PCDHGA1: variants seen among roughly 807,000 people sequenced by gnomAD.
The protein encoded by PCDHGA1 is protocadherin gamma-A1.
A neutral mutation model predicts 58.0 loss-of-function variants in PCDHGA1; 32 were observed. The ratio of observed to expected loss-of-function variants is 0.55; its 90% confidence interval spans 0.42 to 0.74. PCDHGA1 has a LOEUF of 0.74. Among genes scored for constraint, PCDHGA1 ranks in the 30% least tolerant of loss-of-function variants. The pLI, the probability that PCDHGA1 is intolerant of heterozygous loss-of-function variation, is 0.00. For missense variants in PCDHGA1, 1,205 were observed against 1,182.3 expected (o/e 1.02, Z -0.28); for synonymous variants, 498 against 501.1 (o/e 0.99, Z 0.08).
rs534356534 is a variant in PCDHGA1 at position 141,432,344 on chromosome 5, C to G, written c.2422-62463C>G. ...CGACTACGAGCAGTTCCGAGACTTG[C>G]AAGTGAAAGTGATGGCGCGGGACAA... is the stretch of plus-strand genomic sequence containing the variant. On this transcript the variant is annotated intron_variant, in intron 1 of 3. Coordinates refer to ENST00000517417, the MANE Select transcript of PCDHGA1 (RefSeq NM_018912.3). This position sits in a 1 kb window ranked among gnomAD's most constrained non-coding sequence, Gnocchi z 6.0. 1.9e-5 allele frequency: 30 copies of G among 1,614,238 alleles called. No individual in the cohort carries two copies. In the East Asian group the frequency reaches 2.5e-4, roughly 13 times the overall value.
At chr5:141,437,826 CT>C (rs1263000808) in intron 1 of PCDHGA1, among the ~76,000 whole-genome samples, 5 of 151,936 alleles carry the variant, frequency 3.3e-5, no homozygotes, top group African/African-American at 1.2e-4. Flanking sequence ...CAACCTCTGC[CT>C]CCTGGGTTCA....
rs760597498 is a variant in PCDHGA1 at position 141,350,693 on chromosome 5, C to A, written c.2421+17588C>A. On this transcript the variant is annotated intron_variant, in intron 1 of 3. Coordinates refer to ENST00000517417, the MANE Select transcript of PCDHGA1 (RefSeq NM_018912.3). ...CTTAGAAATTTGTGAGTCAGCCTTA[C>A]CCGGGGTAAAATTCTCTCTGGATTC... The A allele has an allele frequency of 3.7e-6, 6 of 1,613,390 alleles. No homozygotes were observed. In the African/African-American group the frequency reaches 8.0e-5, roughly 22 times the overall value.
chr5:141,383,961 C>CT, intron 1 of PCDHGA1: 1 of 1,613,356 alleles, frequency 6.2e-7, no homozygotes, highest in Non-Finnish European at 8.5e-7. Context: ...CTTTAAGTAG[C>CT]TCAATCCCTG....
intron 1 of PCDHGA1, chr5:141,357,154 C>T: frequency 1.2e-6 from 2 of 1,613,536 alleles, no homozygotes; most frequent in Non-Finnish European, 1.7e-6. Context: ...CCATGGCCAG[C>T]CCCCTCTCTC....
chr5:141,399,775 G>T, intron 1 of PCDHGA1: 3 of 1,613,282 alleles, frequency 1.9e-6, no homozygotes, highest in Non-Finnish European at 2.5e-6. Context: ...GTTGGTGGGC[G>T]ACCGAAACGA....
At chr5:141,483,790 AGTT>A (rs963139644) in intron 1 of PCDHGA1, among the ~76,000 whole-genome samples, 14 of 152,290 alleles carry the variant, frequency 9.2e-5, no homozygotes, top group African/African-American at 3.4e-4. Flanking sequence ...TAAGAACTCC[AGTT>A]GTTGCTGCTT....
rs189127761 is a variant in PCDHGA1 at position 141,385,037 on chromosome 5, C to A, written c.2421+51932C>A. Reference sequence around the variant, plus strand: ...CTAGCCTTCGTCCTCGTACTGCTGGCGCTCAGGCTGCGGCGCTGGCACAAG... The same window carrying A: ...CTAGCCTTCGTCCTCGTACTGCTGGAGCTCAGGCTGCGGCGCTGGCACAAG... On this transcript the variant is annotated intron_variant, in intron 1 of 3. Transcript: ENST00000517417. The A allele has an allele frequency of 5.8e-5, 93 of 1,614,148 alleles. No individual in the cohort carries two copies. In the East Asian group the frequency reaches 1.7e-3, roughly 30 times the overall value.
intron 1 of PCDHGA1, chr5:141,414,951 G>A (rs1411406878): frequency 5.6e-6 from 9 of 1,614,092 alleles, no homozygotes; most frequent in Non-Finnish European, 7.6e-6. Flanking sequence ...GCTACCTGGT[G>A]ACCAAGGTGG....
chr5:141,494,909 T>G (rs764123148), intron 2 of PCDHGA1, 44 bp downstream of exon 2: 1 of 1,614,042 alleles, frequency 6.2e-7, no homozygotes, highest in Admixed American at 1.7e-5. Flanking sequence ...CTGCGGCATT[T>G]TCTCAGGGAT....
Position 141,330,663 on chromosome 5 carries a change from A to G in PCDHGA1, c.-22A>G, listed in dbSNP as rs376434100. The G allele has an allele frequency of 6.3e-7, 1 of 1,581,938 alleles. No individual in the cohort carries two copies. The highest frequency in any genetic ancestry group is 8.6e-7 in the Non-Finnish European group (1 of 1,162,644). On this transcript the variant is annotated 5_prime_UTR_variant, in exon 1 of 4. Coordinates refer to ENST00000517417, the MANE Select transcript of PCDHGA1 (RefSeq NM_018912.3). ...GATACCCTTGGTACTGGACTGGAAG[A>G]AAACTACGAAGTGAGAGAGCCATGA... is the stretch of plus-strand genomic sequence containing the variant.
rs1194909537 is a variant in PCDHGA1 at position 141,511,022 on chromosome 5, T to C, written c.2645T>C (p.Phe882Ser). 1 of 1,614,176 alleles carries C rather than the reference T, an allele frequency of 6.2e-7. No individual in the cohort carries two copies. The highest frequency in any genetic ancestry group is 8.5e-7 in the Non-Finnish European group (1 of 1,180,020). ...MGLSARYGPQ[F>S]TLQHVPDYRQ... ...TTGAGCGCCCGCTACGGACCCCAGT[T>C]CACCCTGCAGCACGTGCCCGACTAC... The change falls in exon 4 of 4, where the codon TTC becomes TCC. Residue 882 changes from phenylalanine (F) to serine (S), a missense_variant. Transcript: ENST00000517417.
At chr5:141,507,474 C>T (rs774159694) in intron 3 of PCDHGA1, among the ~76,000 whole-genome samples, 2 of 152,196 alleles carry the variant, frequency 1.3e-5, no homozygotes, top group Non-Finnish European at 2.9e-5. Flanking sequence ...GCAGGGACTG[C>T]TGGCCTCCTG....
At chr5:141,383,710 G>C (rs1388027066) in intron 1 of PCDHGA1, 1 of 1,613,992 alleles carries the variant, frequency 6.2e-7, no homozygotes. Flanking sequence ...CGACCTGGAC[G>C]AGGGAGTCAA....
intron 3 of PCDHGA1, among the ~76,000 whole-genome samples, chr5:141,505,868 G>T (rs2099848820): frequency 6.6e-6 from 1 of 152,170 alleles, no homozygotes; most frequent in Admixed American, 6.5e-5. Context: ...GGACCCCAAA[G>T]GGTTGTTGTA....
chr5:141,434,714 G>A (rs1333237898), intron 1 of PCDHGA1, among the ~76,000 whole-genome samples: 1 of 151,564 alleles, frequency 6.6e-6, no homozygotes, highest in Non-Finnish European at 1.5e-5. Context: ...GTAAATCTCT[G>A]TTCAGGGCTC....
At chr5:141,465,923 C>G (rs908350232) in intron 1 of PCDHGA1, among the ~76,000 whole-genome samples, 2 of 152,062 alleles carry the variant, frequency 1.3e-5, no homozygotes, top group African/African-American at 4.8e-5. Flanking sequence ...GATTTCGAGT[C>G]CATCCTGGCT....
intron 1 of PCDHGA1, among the ~76,000 whole-genome samples, chr5:141,347,997 A>G (rs888137626): frequency 6.6e-6 from 1 of 152,220 alleles, no homozygotes; most frequent in African/African-American, 2.4e-5. Context: ...AATATGTCTC[A>G]GCCTCTGCGG....
At chr5:141,419,724 G>T in intron 1 of PCDHGA1, 1 of 1,613,488 alleles carries the variant, frequency 6.2e-7, no homozygotes, top group Non-Finnish European at 8.5e-7. Flanking sequence ...CTGGGGCTGC[G>T]AACAGGCGAG....
rs1411664231 is a variant in PCDHGA1 at position 141,390,362 on chromosome 5, GA to G, written c.2421+57261del. 3.9e-6 allele frequency: 6 copies of G among 1,532,890 alleles called. No individual in the cohort carries two copies. In the African/African-American group the frequency reaches 8.3e-5, roughly 21 times the overall value. 95.0% of individuals were successfully genotyped at this position (1,532,890 alleles called of 1,614,324 possible). ...CACAAGAAAATATACATATTTGCAG[GA>G]AAATATATAATTTTTAGATGTCATG... On this transcript the variant is annotated intron_variant, in intron 1 of 3. Coordinates refer to ENST00000517417, the MANE Select transcript of PCDHGA1 (RefSeq NM_018912.3).
Sources: allele counts gnomAD v4.1 joint callset (sites outside exome capture counted in the v4.1 genomes callset), GRCh38; gene constraint gnomAD v4.1.1; non-coding constraint Gnocchi (gnomAD v3.1); transcripts MANE v1.5; gene names NCBI Gene and HGNC (gene_info 2026-07-23, HGNC 2026-07-21).